The following ADGRL4 variants were observed in gnomAD, a reference collection of about 807,000 sequenced individuals.
The protein encoded by ADGRL4 is adhesion G protein-coupled receptor L4.
A neutral mutation model predicts 74.8 loss-of-function variants in ADGRL4; 90 were observed. The ratio of observed to expected loss-of-function variants is 1.20; its 90% CI spans 1.02 to 1.43. The LOEUF (loss-of-function observed/expected upper bound fraction) is 1.43. ADGRL4 is among the 40% of genes most tolerant of loss of function. The probability of loss-of-function intolerance (pLI) is 0.00; values close to 1 mark genes in which losing one functional copy is unlikely to be tolerated. For synonymous variants in ADGRL4, 311 were observed against 279.2 expected, an observed-to-expected ratio of 1.11 and a Z score of -1.14; for missense variants, 881 against 814.3, an observed-to-expected ratio of 1.08 and a Z score of -1.00.
At chr1:78,940,949 A>T (rs191533631) in intron 3 of ADGRL4, among the ~76,000 whole-genome samples, 13 of 152,312 alleles carry the variant, frequency 8.5e-5, no homozygotes, top group African/African-American at 3.1e-4. Context: ...ATGGTACTAG[A>T]TTTAAGAGGT....
intron 2 of ADGRL4, among the ~76,000 whole-genome samples, chr1:78,991,336 T>A (rs144262914): frequency 6.6e-6 from 1 of 152,030 alleles, no homozygotes; most frequent in Non-Finnish European, 1.5e-5. Flanking sequence ...AAAAACCTCA[T>A]GGGAAGTACA....
chr1:78,919,561 G>A (rs1036470606), intron 10 of ADGRL4, among the ~76,000 whole-genome samples: 2 of 151,686 alleles, frequency 1.3e-5, no homozygotes, highest in Non-Finnish European at 2.9e-5. Flanking sequence ...CTTCCCTCAG[G>A]ATCATACCTG....
intron 7 of ADGRL4, among the ~76,000 whole-genome samples, chr1:78,927,665 C>G (rs1476227508): frequency 6.6e-6 from 1 of 152,032 alleles, no homozygotes; most frequent in Non-Finnish European, 1.5e-5. Flanking sequence ...TCCCCTAAAA[C>G]TCCCCAAATG....
intron 4 of ADGRL4, among the ~76,000 whole-genome samples, chr1:78,938,752 G>T (rs1316907282): frequency 6.6e-6 from 1 of 151,964 alleles, no homozygotes; most frequent in Non-Finnish European, 1.5e-5. Flanking sequence ...TACTCATGTT[G>T]AGATTCACAT....
intron 2 of ADGRL4, among the ~76,000 whole-genome samples, chr1:79,002,094 G>T (rs982928561): frequency 2.2e-4 from 34 of 152,006 alleles, no homozygotes; most frequent in Non-Finnish European, 4.0e-4. Context: ...GTGGAATTCT[G>T]AAGAATTCCA....
At chr1:78,937,588 A>G (rs1218637708) in intron 6 of ADGRL4, among the ~76,000 whole-genome samples, 2 of 152,218 alleles carry the variant, frequency 1.3e-5, no homozygotes, top group African/African-American at 4.8e-5. Flanking sequence ...GAAAAGGTGG[A>G]TATGATAGGA....
rs1557508088 is a variant in ADGRL4, at chr1:78,946,274, C to T, written c.325G>A (p.Glu109Lys). Residue 109 changes from glutamate (E) to lysine (K), a missense_variant and splice_region_variant, in exon 3 of 15, where the codon GAA becomes AAA. Physicochemically the swap from Glu to Lys is moderately conservative, Grantham distance 56 (BLOSUM62 1). Transcript: ENST00000370742. ...TTCTAACTTAGATAACCGAACTTAC[C>T]TATACAGACGGTTCCATCATTAGTG... ...FITNDGTVCI[E>K]NVNANCHLDN... The T allele has an allele frequency of 1.2e-6, 2 of 1,603,810 alleles. No homozygotes were observed. The highest frequency in any genetic ancestry group is 1.7e-6 in the Non-Finnish European group (2 of 1,176,204).
chr1:78,936,745 A>C (rs1649363714), intron 6 of ADGRL4, among the ~76,000 whole-genome samples: 1 of 152,214 alleles, frequency 6.6e-6, no homozygotes, highest in Non-Finnish European at 1.5e-5. Context: ...TAGTGTCTAC[A>C]ACTTACTAAT....
At chr1:78,922,189 A>C (rs1649014924) in intron 8 of ADGRL4, among the ~76,000 whole-genome samples, 1 of 152,038 alleles carries the variant, frequency 6.6e-6, no homozygotes, top group Non-Finnish European at 1.5e-5. Flanking sequence ...AGAGATGAAA[A>C]ATTATTCAAT....
chr1:78,955,018 T>C (rs1649800378), intron 2 of ADGRL4, among the ~76,000 whole-genome samples: 2 of 152,116 alleles, frequency 1.3e-5, no homozygotes, highest in African/African-American at 2.4e-5. Flanking sequence ...TTATTCTAAA[T>C]CGTGAAACTT....
intron 2 of ADGRL4, among the ~76,000 whole-genome samples, chr1:78,966,335 TCCATTATTCTCAA>T (rs372413933): frequency 7.9e-4 from 120 of 152,276 alleles, no homozygotes; most frequent in African/African-American, 2.8e-3. Flanking sequence ...CCTAATAAAT[TCCATTATTCTCAA>T]CCTTCAAAGT....
intron 7 of ADGRL4, among the ~76,000 whole-genome samples, chr1:78,932,405 C>T (rs933131783): frequency 1.3e-5 from 2 of 151,312 alleles, no homozygotes; most frequent in African/African-American, 2.5e-5. Context: ...TACCAGATCT[C>T]TGGGACACAG....
At chr1:78,929,359 A>G (rs769906794) in intron 7 of ADGRL4, among the ~76,000 whole-genome samples, 6 of 151,272 alleles carry the variant, frequency 4.0e-5, no homozygotes, top group Non-Finnish European at 8.8e-5. Context: ...TACAAAAAAT[A>G]GAATAATTAG....
rs1300353672 is a variant in ADGRL4 at position 78,962,564 on chromosome 1, G to A, written c.173-16138C>T. ...TCTCTCCCCTGTCTCCCCCATCCAA[G>A]CTGAAACTTTATATTGATGATGTTA... On this transcript the variant is annotated intron_variant, in intron 2 of 14. Transcript: ENST00000370742. Among the ~76,000 whole-genome samples, 31 of 151,940 alleles carry A rather than the reference G, an allele frequency of 2.0e-4. 1 individual carries two copies. Among genetic ancestry groups the A allele is most frequent in the Admixed American group, 2.0e-3 (31 of 15,238 alleles).
chr1:78,949,167 C>T (rs973842327), intron 2 of ADGRL4, among the ~76,000 whole-genome samples: 7 of 152,014 alleles, frequency 4.6e-5, no homozygotes, highest in African/African-American at 1.7e-4. Context: ...AAAAAGAACA[C>T]ATGAGGTCTG....
chr1:78,983,962 A>C (rs1450909578), intron 2 of ADGRL4, among the ~76,000 whole-genome samples: 1 of 151,868 alleles, frequency 6.6e-6, no homozygotes, highest in African/African-American at 2.4e-5. Flanking sequence ...CACAAAATTT[A>C]TCAGGTGAAC....
rs150473344 is a variant in ADGRL4, at chr1:78,918,568, C to T, written c.1462-518G>A. ...ATATCCATTACAGAATTACTTTCAACTGTTAAGATTATCATGTAAATTTGA... is the reference window on the plus strand; with the variant it reads ...ATATCCATTACAGAATTACTTTCAATTGTTAAGATTATCATGTAAATTTGA... On this transcript the variant is annotated intron_variant, in intron 10 of 14. Transcript: ENST00000370742. Among the ~76,000 whole-genome samples the T allele has an allele frequency of 2.6e-4, 40 of 151,904 alleles. No homozygotes were observed. In the East Asian group the frequency reaches 7.4e-3, roughly 28 times the overall value.
Position 78,932,948 on chromosome 1 carries a change from A to T in ADGRL4, c.877+3347T>A, listed in dbSNP as rs1000097858. 3.3e-5 allele frequency among the ~76,000 whole-genome samples: 5 copies of T among 151,450 alleles called. 1 individual carries two copies. The highest frequency in any genetic ancestry group is 1.2e-4 in the African/African-American group (5 of 40,772). On this transcript the variant is annotated intron_variant, in intron 7 of 14. Coordinates refer to ENST00000370742, the MANE Select transcript of ADGRL4 (RefSeq NM_022159.4). ...CAGTAATTAGTAACCTCCCAAACAA[A>T]AAAAGCCCAGAGCCAGACTGATTCA...
rs1003268920 is a variant in ADGRL4, at chr1:78,902,894, T to C, written c.1750-9705A>G. Among the ~76,000 whole-genome samples the C allele has an allele frequency of 7.9e-5, 12 of 152,114 alleles. 1 individual carries two copies. Among genetic ancestry groups the C allele is most frequent in the African/African-American group, 2.9e-4 (12 of 41,422 alleles). ...GTGGTCAAGGGATTAAAGAATGTGG[T>C]AATTTTTCCTGTACTGGTGAACAAC... On this transcript the variant is annotated intron_variant, in intron 12 of 14. Transcript: ENST00000370742.
Sources: allele counts gnomAD v4.1 joint callset (sites outside exome capture counted in the v4.1 genomes callset), GRCh38; gene constraint gnomAD v4.1.1; transcripts MANE v1.5; gene names NCBI Gene and HGNC (gene_info 2026-07-23, HGNC 2026-07-21).